The following PLEKHM3 variants were observed in gnomAD, a reference collection of about 807,000 sequenced individuals.
PLEKHM3 encodes pleckstrin homology domain containing M3.
A neutral mutation model predicts 81.8 loss-of-function variants in PLEKHM3; 45 were observed. That is an observed-to-expected ratio of 0.55 (90% CI 0.43 to 0.71). The LOEUF is 0.71. PLEKHM3 is among the 30% of genes least tolerant of loss of function. The pLI, the probability that PLEKHM3 is intolerant of heterozygous loss-of-function variation, is 0.00. For missense variants in PLEKHM3, 788 were observed against 924.3 expected (o/e 0.85, Z 1.91); for synonymous variants, 352 against 356.4 (o/e 0.99, Z 0.14).
chr2:207,876,038 T>C (rs1056612407), intron 6 of PLEKHM3, among the ~76,000 whole-genome samples: 5 of 152,204 alleles, frequency 3.3e-5, no homozygotes, highest in Admixed American at 6.5e-5. Context: ...CATAGTCTGA[T>C]CCCATTACAA....
chr2:207,900,103 G>A (rs1324778546), intron 6 of PLEKHM3: 1 of 152,198 alleles, frequency 6.6e-6, no homozygotes, highest in Non-Finnish European at 1.5e-5. Context: ...AGGACTCCAG[G>A]AAGGACACTG....
intron 1 of PLEKHM3, among the ~76,000 whole-genome samples, chr2:208,008,522 A>G (rs78737007): frequency 7.4e-6 from 1 of 134,982 alleles, no homozygotes. Flanking sequence ...AAAAAAAAAA[A>G]AAACAGACAA....
chr2:208,018,159 G>A (rs1315350929), intron 1 of PLEKHM3, among the ~76,000 whole-genome samples: 1 of 152,084 alleles, frequency 6.6e-6, no homozygotes, highest in Non-Finnish European at 1.5e-5. Context: ...TGGATCACAA[G>A]GTCAAGAGAT....
In PLEKHM3 at chr2:207,828,037, G is replaced by T; in HGVS notation, c.*282C>A. 4.5e-6 allele frequency: 1 copy of T among 223,606 alleles called. No individual in the cohort carries two copies. The highest frequency in any genetic ancestry group is 8.6e-6 in the Non-Finnish European group (1 of 116,714). The allele number at this position is 223,606 out of a possible 1,614,324, so 13.9% of individuals were successfully genotyped here. ...TAAAGCATTGTGTATACCACGTTTT[G>T]TCTGGGAGCAAGCAGCTGAAATTCT... On this transcript the variant is annotated 3_prime_UTR_variant, in exon 8 of 8. Transcript: ENST00000427836.
intron 1 of PLEKHM3, among the ~76,000 whole-genome samples, chr2:208,016,696 C>CACACACA (rs368432659): frequency 1.3e-5 from 2 of 148,380 alleles, no homozygotes; most frequent in African/African-American, 2.5e-5. Flanking sequence ...CACACACACA[C>CACACACA]CCTGGTTTCA....
intron 1 of PLEKHM3, among the ~76,000 whole-genome samples, chr2:208,018,623 C>A (rs1312194334): frequency 6.6e-6 from 1 of 152,146 alleles, no homozygotes; most frequent in Non-Finnish European, 1.5e-5. Flanking sequence ...TTGGCCACAT[C>A]TATCCATTTC....
chr2:207,943,891 A>G (rs1012863082), intron 4 of PLEKHM3, among the ~76,000 whole-genome samples: 7 of 142,992 alleles, frequency 4.9e-5, no homozygotes, highest in African/African-American at 1.5e-4. Context: ...AAAAAAAAAA[A>G]GAAATGCTGT....
At chr2:207,831,973 G>A (rs2092291013) in intron 7 of PLEKHM3, among the ~76,000 whole-genome samples, 1 of 152,182 alleles carries the variant, frequency 6.6e-6, no homozygotes, top group Non-Finnish European at 1.5e-5. Flanking sequence ...CCAGGGCAGT[G>A]ATTGATAAGG....
At chr2:207,991,587 C>T (rs969323335) in intron 2 of PLEKHM3, among the ~76,000 whole-genome samples, 25 of 107,968 alleles carry the variant, frequency 2.3e-4, no homozygotes, top group African/African-American at 7.0e-4. Context: ...GGAGCGGGTG[C>T]TATTGGGAGC....
intron 4 of PLEKHM3, among the ~76,000 whole-genome samples, chr2:207,936,846 AGTGTGTGTGTGTGT>A (rs57642698): frequency 2.7e-5 from 4 of 146,800 alleles, no homozygotes; most frequent in East Asian, 2.0e-4. Flanking sequence ...TAGATAAATT[AGTGTGTGTGTGTGT>A]GTGTGTGTGT....
At position 207,825,083 on chromosome 2, in the gene PLEKHM3, T is replaced by A. The variant is rs1236304312; in HGVS notation, c.*3236A>T. 1 of 152,142 alleles carries A rather than the reference T, an allele frequency of 6.6e-6. No individual in the cohort carries two copies. The highest frequency in any genetic ancestry group is 1.5e-5 in the Non-Finnish European group (1 of 68,030). 9.4% of individuals were successfully genotyped at this position (152,142 alleles called of 1,614,324 possible). On this transcript the variant is annotated 3_prime_UTR_variant, in exon 8 of 8. Transcript: ENST00000427836. Reference sequence around the variant, plus strand: ...CTGCTGAGAGTTTACATGGTTTTCATATAAAGAGGCTTTTAACTTTGGAAA... The same window carrying A: ...CTGCTGAGAGTTTACATGGTTTTCAAATAAAGAGGCTTTTAACTTTGGAAA...
intron 2 of PLEKHM3, among the ~76,000 whole-genome samples, chr2:207,996,727 T>G (rs1254727966): frequency 1.3e-5 from 2 of 152,146 alleles, no homozygotes; most frequent in African/African-American, 4.8e-5. Flanking sequence ...TATGAGAAAG[T>G]GTACCACAGG....
intron 5 of PLEKHM3, among the ~76,000 whole-genome samples, chr2:207,923,905 A>ATTTTTTTTTTT (rs869041855): frequency 1.1e-4 from 3 of 28,340 alleles, no homozygotes; most frequent in African/African-American, 2.5e-4. Flanking sequence ...ATATATATAT[A>ATTTTTTTTTTT]TTTTTTTTTT....
chr2:207,986,554 C>A (rs1342787444), intron 2 of PLEKHM3, among the ~76,000 whole-genome samples: 6 of 152,166 alleles, frequency 3.9e-5, no homozygotes, highest in Admixed American at 3.9e-4. Context: ...GCACCAACTA[C>A]GTGCAAAGCA....
chr2:207,861,226 C>T lies in PLEKHM3; in HGVS notation c.1987G>A (p.Val663Ile). 1.9e-6 allele frequency: 3 copies of T among 1,614,056 alleles called. No individual in the cohort carries two copies. The highest frequency in any genetic ancestry group is 1.1e-5 in the South Asian group (1 of 91,066). ...EGKLAPFLGK[V>I]IKFATSHVYS... ...ACGTGTGAGGTGGCAAATTTAATGA[C>T]CTTGCCCAAGAATGGAGCCAGCTTT... The change falls in exon 7 of 8, where the codon GTC (valine) becomes ATC (isoleucine). Residue 663 changes from valine (V) to isoleucine (I), a missense_variant. Val to Ile is a conservative substitution (Grantham distance 29). Coordinates refer to ENST00000427836, the MANE Select transcript of PLEKHM3 (RefSeq NM_001080475.3).
Position 207,890,535 on chromosome 2 carries a change from C to T in PLEKHM3, c.1950+17979G>A, listed in dbSNP as rs905819255. ...CCTAGCTACTTGGGAGGCTGAGGCACGAGAATTGTTTGAATCCGGATGGTG... is the reference window on the plus strand; with the variant it reads ...CCTAGCTACTTGGGAGGCTGAGGCATGAGAATTGTTTGAATCCGGATGGTG... On this transcript the variant is annotated intron_variant, in intron 6 of 7. Coordinates refer to ENST00000427836, the MANE Select transcript of PLEKHM3 (RefSeq NM_001080475.3). Among the ~76,000 whole-genome samples the T allele has an allele frequency of 4.0e-5, 6 of 151,886 alleles. No homozygotes were observed. The South Asian group carries it at 6.2e-4, about 16-fold the overall frequency.
chr2:207,833,319 G>T (rs977322678), intron 7 of PLEKHM3, among the ~76,000 whole-genome samples: 3 of 152,164 alleles, frequency 2.0e-5, no homozygotes, highest in South Asian at 2.1e-4. Context: ...TGTGATACAT[G>T]AAATGAAAGC....
Position 207,878,828 on chromosome 2 carries a change from T to TA in PLEKHM3, c.1951-17567dup, listed in dbSNP as rs563426335. Reference sequence around the variant, plus strand: ...TGTCTTGCTAGAGCTGGGTTTTTTTTATTTTTATTTTTTTTATTTTTTTAT... The same window carrying TA: ...TGTCTTGCTAGAGCTGGGTTTTTTTTAATTTTTATTTTTTTTATTTTTTTAT... On this transcript the variant is annotated intron_variant, in intron 6 of 7. Transcript: ENST00000427836. 1.8e-3 allele frequency among the ~76,000 whole-genome samples: 274 copies of TA among 152,168 alleles called. 1 individual carries two copies. The highest frequency in any genetic ancestry group is 3.4e-3 in the Middle Eastern group (1 of 294).
rs1692287775 is a variant in PLEKHM3, at chr2:208,001,202, C to G, written c.438G>C (p.Gly146=). 6.2e-7 allele frequency: 1 copy of G among 1,613,994 alleles called. No homozygotes were observed. Among genetic ancestry groups the G allele is most frequent in the African/African-American group, 1.3e-5 (1 of 74,912 alleles). Residue 146 remains glycine, a synonymous_variant, in exon 2 of 8, where the codon GGG becomes GGC. Coordinates refer to ENST00000427836, the MANE Select transcript of PLEKHM3 (RefSeq NM_001080475.3). ...TAATATCTGATCGTGATCGAGCATG[C>G]CCTGGCTTGAAAGTTGAGGTCTCAT... ...LLDETSTFKP[G]HARSRSDITQ...
Sources: allele counts gnomAD v4.1 joint callset (sites outside exome capture counted in the v4.1 genomes callset), GRCh38; gene constraint gnomAD v4.1.1; transcripts MANE v1.5; gene names NCBI Gene and HGNC (gene_info 2026-07-23, HGNC 2026-07-21).